The following GLB1L3 variants were observed in gnomAD, a reference collection of about 807,000 sequenced individuals.
GLB1L3 encodes galactosidase beta 1 like 3.
In GLB1L3, 89 loss-of-function variants were observed where a neutral mutation model predicts 89.5. The ratio of observed to expected loss-of-function variants is 0.99; its 90% confidence interval spans 0.84 to 1.19. GLB1L3 has a LOEUF of 1.19. GLB1L3 is among the 50% of genes most tolerant of loss of function. The pLI is 0.00. For synonymous variants in GLB1L3, 314 were observed against 312.3 expected, an observed-to-expected ratio of 1.01 and a Z score of -0.06; for missense variants, 812 against 813.3, an observed-to-expected ratio of 1.00 and a Z score of 0.02.
chr11:134,285,586 GAC>G (rs1327088167), intron 6 of GLB1L3, among the ~76,000 whole-genome samples: 1 of 151,990 alleles, frequency 6.6e-6, no homozygotes, highest in Non-Finnish European at 1.5e-5. Context: ...AGGAGTACAA[GAC>G]CAGCCTGAGC....
downstream of GLB1L3, among the ~76,000 whole-genome samples, chr11:134,323,297 C>T (rs996120956): frequency 6.6e-6 from 1 of 152,122 alleles, no homozygotes; most frequent in African/African-American, 2.4e-5. Flanking sequence ...AAGGTGAATG[C>T]ATCACCTGAG....
chr11:134,312,537 C>A, intron 14 of GLB1L3, 48 bp downstream of exon 14: 3 of 1,597,638 alleles, frequency 1.9e-6, no homozygotes, highest in Non-Finnish European at 2.6e-6. Flanking sequence ...CATCACCTCC[C>A]CATGCTGTCG....
chr11:134,319,573 T>G (rs1002205403), downstream of GLB1L3: 1 of 152,044 alleles, frequency 6.6e-6, no homozygotes, highest in African/African-American at 2.4e-5. Context: ...CATTTCTGCC[T>G]CCCATACTCA....
intron 7 of GLB1L3, among the ~76,000 whole-genome samples, chr11:134,290,600 A>T (rs1053083864): frequency 5.1e-5 from 6 of 117,086 alleles, no homozygotes; most frequent in Non-Finnish European, 1.2e-4. Context: ...AAAAGAAAAA[A>T]AAAGAAAAAG....
At chr11:134,313,754 A>T (rs1942856373) in intron 16 of GLB1L3, among the ~76,000 whole-genome samples, 187 bp from the exon 17 acceptor site, 1 of 152,190 alleles carries the variant, frequency 6.6e-6, no homozygotes, top group Non-Finnish European at 1.5e-5. Context: ...AAGTGGGGGA[A>T]CTTTCTTGGT....
intron 8 of GLB1L3, chr11:134,292,745 G>A: frequency 3.0e-6 from 1 of 331,062 alleles, no homozygotes; most frequent in Non-Finnish European, 5.6e-6. Flanking sequence ...CCGGGAGTGA[G>A]CAGGGGAGCG....
intron 7 of GLB1L3, among the ~76,000 whole-genome samples, chr11:134,290,824 C>A (rs955766825): frequency 2.6e-5 from 4 of 152,112 alleles, no homozygotes; most frequent in Non-Finnish European, 5.9e-5. Flanking sequence ...CAGGACCCCA[C>A]AGCTGCAGCC....
chr11:134,285,210 G>T (rs1940914682), intron 6 of GLB1L3, among the ~76,000 whole-genome samples: 1 of 151,974 alleles, frequency 6.6e-6, no homozygotes, highest in African/African-American at 2.4e-5. Context: ...TTAAAGGTGT[G>T]AGCCACTGCG....
intron 9 of GLB1L3, chr11:134,305,210 T>G (rs1325259158): frequency 2.0e-6 from 2 of 1,009,710 alleles, no homozygotes; most frequent in Admixed American, 4.0e-5. Context: ...CATAATTTTG[T>G]CCTTCTAAGC....
chr11:134,312,988 G>A, intron 15 of GLB1L3, 101 bp downstream of exon 15: 1 of 857,808 alleles, frequency 1.2e-6, no homozygotes, highest in South Asian at 1.4e-5. Flanking sequence ...CCCTGCTGCT[G>A]GTGCTGCTGC....
intron 6 of GLB1L3, among the ~76,000 whole-genome samples, chr11:134,286,591 A>C (rs558347284): frequency 1.1e-4 from 16 of 151,954 alleles, no homozygotes; most frequent in Non-Finnish European, 2.1e-4. Flanking sequence ...CTTGGCTAAC[A>C]CGGTGAAACC....
Position 134,312,810 on chromosome 11 carries a change from T to C in GLB1L3, c.1429-6T>C, listed in dbSNP as rs765238156. 1.2e-6 allele frequency: 2 copies of C among 1,609,818 alleles called. No individual in the cohort carries two copies. The highest frequency in any genetic ancestry group is 1.7e-5 in the Admixed American group (1 of 59,720). On this transcript the variant is annotated splice_region_variant and splice_polypyrimidine_tract_variant and intron_variant, in intron 14 of 19. Coordinates refer to ENST00000431683, the MANE Select transcript of GLB1L3 (RefSeq NM_001080407.3). ...TAGCAGTCTGACGCCGGCTCTTCTTTTGCAGGTGTTTTTGGATGAGACAAT... is the reference window on the plus strand; with the variant it reads ...TAGCAGTCTGACGCCGGCTCTTCTTCTGCAGGTGTTTTTGGATGAGACAAT...
At chr11:134,308,888 C>A (rs895576056) in intron 10 of GLB1L3, among the ~76,000 whole-genome samples, 1 of 152,188 alleles carries the variant, frequency 6.6e-6, no homozygotes, top group African/African-American at 2.4e-5. Flanking sequence ...ACGAGCACAG[C>A]CAGAATTGAC....
intron 9 of GLB1L3, among the ~76,000 whole-genome samples, chr11:134,303,075 A>C (rs1243517245): frequency 1.3e-5 from 2 of 152,196 alleles, no homozygotes; most frequent in Non-Finnish European, 2.9e-5. Context: ...AAATTTTATC[A>C]CTAGGGAGTC....
chr11:134,296,768 C>A (rs1422530475), intron 9 of GLB1L3, among the ~76,000 whole-genome samples: 1 of 150,418 alleles, frequency 6.6e-6, no homozygotes, highest in Non-Finnish European at 1.5e-5. Flanking sequence ...GTGCAGCGCA[C>A]CAGCATGGCA....
At chr11:134,308,571 CCAT>C (rs753904186) in intron 10 of GLB1L3, among the ~76,000 whole-genome samples, 7,792 of 122,064 alleles carry the variant, frequency 0.064, 371 homozygotes, top group Middle Eastern at 0.076. Flanking sequence ...ACCACCACCA[CCAT>C]CACCATCACC....
intron 9 of GLB1L3, among the ~76,000 whole-genome samples, chr11:134,302,893 G>A (rs1291929977): frequency 6.6e-6 from 1 of 152,056 alleles, no homozygotes; most frequent in Non-Finnish European, 1.5e-5. Flanking sequence ...TTTTTGGCTG[G>A]TTGTATTGGT....
rs555208609 is a variant in GLB1L3 at position 134,312,807 on chromosome 11, C to G, written c.1429-9C>G. The G allele has an allele frequency of 1.9e-6, 3 of 1,609,430 alleles. No individual in the cohort carries two copies. The South Asian group carries it at 3.3e-5, about 18-fold the overall frequency. On this transcript the variant is annotated splice_polypyrimidine_tract_variant and intron_variant, in intron 14 of 19. Coordinates refer to ENST00000431683, the MANE Select transcript of GLB1L3 (RefSeq NM_001080407.3). Reference sequence around the variant, plus strand: ...GCCTAGCAGTCTGACGCCGGCTCTTCTTTTGCAGGTGTTTTTGGATGAGAC... The same window carrying G: ...GCCTAGCAGTCTGACGCCGGCTCTTGTTTTGCAGGTGTTTTTGGATGAGAC...
intron 9 of GLB1L3, among the ~76,000 whole-genome samples, chr11:134,303,072 A>G (rs1245156872): frequency 6.6e-6 from 1 of 152,166 alleles, no homozygotes; most frequent in East Asian, 1.9e-4. Flanking sequence ...ATGAAATTTT[A>G]TCACTAGGGA....
Sources: allele counts gnomAD v4.1 joint callset (sites outside exome capture counted in the v4.1 genomes callset), GRCh38; gene constraint gnomAD v4.1.1; transcripts MANE v1.5; gene names NCBI Gene and HGNC (gene_info 2026-07-23, HGNC 2026-07-21).